CCDC181: variants seen among roughly 807,000 people sequenced by gnomAD.
CCDC181 encodes the protein coiled-coil domain-containing protein 181.
CCDC181 carries 35 observed loss-of-function variants against 58.7 expected under a neutral mutation model. That is an observed-to-expected ratio of 0.60 (90% confidence interval 0.46 to 0.79). The LOEUF is 0.79. CCDC181 is among the 30% of genes least tolerant of loss of function. The probability of loss-of-function intolerance (pLI) is 0.00; values close to 1 mark genes in which losing one functional copy is unlikely to be tolerated. For synonymous variants in CCDC181, 183 were observed against 197.5 expected (o/e 0.93, Z 0.62); for missense variants, 517 against 583.9 (o/e 0.89, Z 1.18).
rs1481840117 is a variant in CCDC181 at position 169,421,685 on chromosome 1, T to C, written c.746A>G (p.Glu249Gly). The C allele has an allele frequency of 6.2e-7, 1 of 1,614,104 alleles. No homozygotes were observed. Among genetic ancestry groups the C allele is most frequent in the Non-Finnish European group, 8.5e-7 (1 of 1,180,014 alleles). Residue 249 changes from glutamate to glycine, a missense_variant, in exon 3 of 6, where the codon GAA becomes GGA. Coordinates refer to ENST00000367806, the MANE Select transcript of CCDC181 (RefSeq NM_001300969.2). Reference protein sequence around the residue: ...LPPINNANSTENDPQQLLPRS... With the variant: ...LPPINNANSTGNDPQQLLPRS... ...GGGTAACAACTGCTGAGGGTCATTT[T>C]CTGTACTATTTGCATTATTAATGGG...
chr1:169,448,409 A>T (rs1657439725), intron 2 of CCDC181, among the ~76,000 whole-genome samples: 1 of 152,092 alleles, frequency 6.6e-6, no homozygotes. Context: ...TTTCTGAGAA[A>T]GTAATTTTTC....
chr1:169,427,667 C>G (rs901267359), upstream of CCDC181, among the ~76,000 whole-genome samples: 5 of 152,218 alleles, frequency 3.3e-5, no homozygotes, highest in South Asian at 2.1e-4. Flanking sequence ...TTGTAGCTGT[C>G]TCTCGTCAGA....
intron 4 of CCDC181, among the ~76,000 whole-genome samples, chr1:169,399,249 T>C (rs1336468524): frequency 1.3e-5 from 2 of 152,172 alleles, no homozygotes; most frequent in East Asian, 3.8e-4. Flanking sequence ...GGCTGGGTTA[T>C]TAGGCTTTTG....
chr1:169,428,518 A>T (rs541315457), upstream of CCDC181, among the ~76,000 whole-genome samples: 2 of 152,210 alleles, frequency 1.3e-5, no homozygotes, highest in Admixed American at 1.3e-4. Flanking sequence ...TTTTTTAAGT[A>T]TCAGGTTTTG....
At chr1:169,403,921 TAATAAAGA>T (rs1173947202) in intron 4 of CCDC181, among the ~76,000 whole-genome samples, 2 of 151,766 alleles carry the variant, frequency 1.3e-5, no homozygotes, top group Non-Finnish European at 2.9e-5. Context: ...CTACCAAGAC[TAATAAAGA>T]AGAAAAGAGA....
At chr1:169,450,618 T>G (rs1256688931) in intron 2 of CCDC181, among the ~76,000 whole-genome samples, 1 of 152,242 alleles carries the variant, frequency 6.6e-6, no homozygotes, top group African/African-American at 2.4e-5. Flanking sequence ...TATAAGAATG[T>G]GCATACAAGT....
rs1295358344 is a variant in CCDC181, at chr1:169,394,969, A to AGAC, written c.*77_*78insGTC. Reference sequence around the variant, plus strand: ...TACCATTTCCATAATTTAGAATACAACCAAAGTACACAGACCCTAAGAAAT... The same window carrying AGAC: ...TACCATTTCCATAATTTAGAATACAAGACCCAAAGTACACAGACCCTAAGAAAT... On this transcript the variant is annotated 3_prime_UTR_variant, in exon 6 of 6. Transcript: ENST00000367806. 1,634 of 1,281,470 alleles carry AGAC rather than the reference A, an allele frequency of 1.3e-3. 14 individuals carry two copies. In the African/African-American group the frequency reaches 0.021, roughly 16 times the overall value. The allele number at this position is 1,281,470 out of a possible 1,614,324, so 79.4% of individuals were successfully genotyped here.
At chr1:169,445,500 T>C (rs1322072626) in intron 2 of CCDC181, among the ~76,000 whole-genome samples, 1 of 152,220 alleles carries the variant, frequency 6.6e-6, no homozygotes, top group Admixed American at 6.5e-5. Context: ...CATTTCGTAG[T>C]GGCATATCAT....
intron 2 of CCDC181, among the ~76,000 whole-genome samples, chr1:169,455,204 C>T (rs1425927055): frequency 1.3e-5 from 2 of 151,412 alleles, no homozygotes; most frequent in African/African-American, 2.4e-5. Context: ...TTTCAAGGCT[C>T]GTATGTTTTC....
chr1:169,411,115 A>G (rs1024037865), intron 4 of CCDC181, among the ~76,000 whole-genome samples: 1 of 152,200 alleles, frequency 6.6e-6, no homozygotes, highest in East Asian at 1.9e-4. Context: ...TTTTGAAAAG[A>G]TTAACAAAAT....
intron 2 of CCDC181, among the ~76,000 whole-genome samples, chr1:169,435,075 A>G (rs1255037841): frequency 1.3e-5 from 2 of 151,890 alleles, no homozygotes; most frequent in African/African-American, 2.4e-5. Context: ...TGTACACTTA[A>G]AAATGGTTAA....
intron 4 of CCDC181, among the ~76,000 whole-genome samples, chr1:169,407,785 C>T (rs1000962115): frequency 5.9e-5 from 9 of 152,102 alleles, no homozygotes; most frequent in Non-Finnish European, 8.8e-5. Context: ...GAGGGTGAGC[C>T]GAGGCAGGGT....
intron 2 of CCDC181, among the ~76,000 whole-genome samples, chr1:169,438,028 C>T (rs1359512209): frequency 6.6e-6 from 1 of 152,012 alleles, no homozygotes; most frequent in African/African-American, 2.4e-5. Flanking sequence ...TTTCACGGAC[C>T]TGCAGCAAAG....
At chr1:169,418,533 T>G (rs916470893) in intron 4 of CCDC181, among the ~76,000 whole-genome samples, 8 of 151,972 alleles carry the variant, frequency 5.3e-5, no homozygotes, top group African/African-American at 1.9e-4. Flanking sequence ...TACTTTCAAC[T>G]TTACATATAT....
chr1:169,397,512 C>T, intron 4 of CCDC181, 121 bp from the exon 5 acceptor site: 1 of 791,228 alleles, frequency 1.3e-6, no homozygotes, highest in Non-Finnish European at 1.9e-6. Flanking sequence ...TAATGCCAGC[C>T]TCATTACCTG....
At chr1:169,451,931 C>T (rs2101757986) in intron 2 of CCDC181, among the ~76,000 whole-genome samples, 1 of 151,992 alleles carries the variant, frequency 6.6e-6, no homozygotes. Context: ...TGTTTTTTGA[C>T]TATGTTATGA....
At chr1:169,401,953 G>T (rs1464498013) in intron 4 of CCDC181, among the ~76,000 whole-genome samples, 1 of 152,112 alleles carries the variant, frequency 6.6e-6, no homozygotes, top group African/African-American at 2.4e-5. Flanking sequence ...GTGTAGAGGA[G>T]ACCTTAAATG....
At chr1:169,442,788 G>C (rs1206648828) in intron 2 of CCDC181, 1 of 151,952 alleles carries the variant, frequency 6.6e-6, no homozygotes, top group Non-Finnish European at 1.5e-5. Context: ...AACATACTAA[G>C]TCATATGATA....
At chr1:169,429,493 A>G (rs1656847464), upstream of CCDC181, among the ~76,000 whole-genome samples, 1 of 152,076 alleles carries the variant, frequency 6.6e-6, no homozygotes, top group African/African-American at 2.4e-5. Flanking sequence ...GCTTATGACC[A>G]TTCTTGCAGG....
Sources: gnomAD v4.1 joint callset for allele counts (sites outside exome capture counted in the v4.1 genomes callset) on GRCh38, gnomAD v4.1.1 for gene constraint, MANE v1.5 for transcripts, NCBI Gene and HGNC (gene_info 2026-07-23, HGNC 2026-07-21) for gene names.